Variants in B3GALT1 observed in about 807,000 individuals in gnomAD.
B3GALT1 encodes beta-1,3-galactosyltransferase 1.
B3GALT1 carries 10 observed loss-of-function variants against 23.2 expected under a neutral mutation model. The ratio of observed to expected loss-of-function variants is 0.43; its 90% confidence interval spans 0.27 to 0.73. The LOEUF is 0.73. B3GALT1 is among the 30% of genes least tolerant of loss of function. The pLI, the probability that B3GALT1 is intolerant of heterozygous loss-of-function variation, is 0.21. For missense variants in B3GALT1, 299 were observed against 405.4 expected (o/e 0.74, Z 2.25); for synonymous variants, 156 against 141.5 (o/e 1.10, Z -0.73).
chr2:167,810,658 T>A (rs1168101416), intron 3 of B3GALT1, among the ~76,000 whole-genome samples: 1 of 150,948 alleles, frequency 6.6e-6, no homozygotes, highest in Non-Finnish European at 1.5e-5. Flanking sequence ...TACCTAAGTT[T>A]AACATCCAAC....
chr2:167,799,767 T>C (rs1688605570), intron 3 of B3GALT1, among the ~76,000 whole-genome samples: 2 of 152,298 alleles, frequency 1.3e-5, no homozygotes, highest in East Asian at 1.9e-4. Flanking sequence ...TTTCTTCTGT[T>C]CCTGTCAAGC....
chr2:167,331,502 A>G (rs1000502387), intron 1 of B3GALT1, among the ~76,000 whole-genome samples: 13 of 152,188 alleles, frequency 8.5e-5, no homozygotes, highest in Non-Finnish European at 1.2e-4. Context: ...GGGTTGTACA[A>G]GCTGGTCCCT....
chr2:167,416,342 C>G (rs2105298706), intron 1 of B3GALT1, among the ~76,000 whole-genome samples: 1 of 152,320 alleles, frequency 6.6e-6, no homozygotes, highest in South Asian at 2.1e-4. Flanking sequence ...GAGCAGCTCA[C>G]TGCTTAAGAA....
intron 1 of B3GALT1, among the ~76,000 whole-genome samples, chr2:167,359,061 A>G (rs1402850499): frequency 6.6e-6 from 1 of 152,172 alleles, no homozygotes; most frequent in Non-Finnish European, 1.5e-5. Context: ...TGGCCTCCCA[A>G]AGTGCTGGGA....
intron 3 of B3GALT1, among the ~76,000 whole-genome samples, chr2:167,674,903 A>G (rs1686395715): frequency 6.6e-6 from 1 of 152,236 alleles, no homozygotes; most frequent in Non-Finnish European, 1.5e-5. Flanking sequence ...TTTCTTCAAT[A>G]CAAAAAGGCA....
intron 1 of B3GALT1, among the ~76,000 whole-genome samples, chr2:167,405,430 A>G (rs1367004613): frequency 6.6e-6 from 1 of 152,124 alleles, no homozygotes; most frequent in South Asian, 2.1e-4. Flanking sequence ...TATTTTCCAA[A>G]TGCTATTCTT....
intron 3 of B3GALT1, among the ~76,000 whole-genome samples, chr2:167,742,949 C>A (rs1291838352): frequency 1.3e-5 from 2 of 152,070 alleles, no homozygotes; most frequent in Admixed American, 6.6e-5. Flanking sequence ...AAATGTGTCA[C>A]ATGTATATCA....
chr2:167,709,566 G>C (rs955522672), intron 3 of B3GALT1, among the ~76,000 whole-genome samples: 2 of 152,150 alleles, frequency 1.3e-5, no homozygotes, highest in Non-Finnish European at 2.9e-5. Context: ...GAGTGGAGCA[G>C]AGTTATGAAT....
intron 3 of B3GALT1, among the ~76,000 whole-genome samples, chr2:167,741,559 T>C (rs1249774418): frequency 6.6e-6 from 1 of 152,176 alleles, no homozygotes; most frequent in Non-Finnish European, 1.5e-5. Flanking sequence ...GAAATTTGCA[T>C]ACTTTTTATT....
chr2:167,811,443 G>T (rs1005148122), intron 3 of B3GALT1, among the ~76,000 whole-genome samples: 5 of 152,184 alleles, frequency 3.3e-5, no homozygotes, highest in Admixed American at 3.3e-4. Flanking sequence ...GAAGTAACAG[G>T]TGTGCATTTT....
chr2:167,627,874 A>G (rs932047847), intron 2 of B3GALT1, among the ~76,000 whole-genome samples: 1 of 151,654 alleles, frequency 6.6e-6, no homozygotes, highest in African/African-American at 2.4e-5. Flanking sequence ...ATGAGTATTC[A>G]TATGAATATA....
intron 4 of B3GALT1, among the ~76,000 whole-genome samples, chr2:167,865,608 C>G (rs911870832): frequency 3.9e-5 from 6 of 151,990 alleles, no homozygotes; most frequent in East Asian, 2.0e-4. Flanking sequence ...TGGCTAACAC[C>G]GTGAAACCCC....
chr2:167,533,053 G>A (rs1015717107), intron 2 of B3GALT1, among the ~76,000 whole-genome samples: 1 of 150,784 alleles, frequency 6.6e-6, no homozygotes, highest in African/African-American at 2.4e-5. Flanking sequence ...TAGAGACGGG[G>A]TTTCTCTATG....
chr2:167,355,901 T>G (rs1697392956), intron 1 of B3GALT1, among the ~76,000 whole-genome samples: 1 of 152,182 alleles, frequency 6.6e-6, no homozygotes, highest in Non-Finnish European at 1.5e-5. Flanking sequence ...GTATACTGAG[T>G]CATTACAAGG....
At chr2:167,347,317 G>A (rs747147731) in intron 1 of B3GALT1, among the ~76,000 whole-genome samples, 1 of 152,166 alleles carries the variant, frequency 6.6e-6, no homozygotes, top group South Asian at 2.1e-4. Flanking sequence ...CTAGCTTAGA[G>A]CAAGTTGATG....
At chr2:167,695,202 C>G (rs1260381854) in intron 3 of B3GALT1, among the ~76,000 whole-genome samples, 2 of 152,100 alleles carry the variant, frequency 1.3e-5, no homozygotes, top group Non-Finnish European at 2.9e-5. Flanking sequence ...TTCTCAAATT[C>G]AGTTCACTCT....
intron 3 of B3GALT1, among the ~76,000 whole-genome samples, chr2:167,708,929 G>C (rs1234578797): frequency 6.6e-6 from 1 of 152,148 alleles, no homozygotes; most frequent in Non-Finnish European, 1.5e-5. Context: ...TGTCTATTTT[G>C]CTTTAAAATA....
chr2:167,342,067 G>A (rs1380783584), intron 1 of B3GALT1, among the ~76,000 whole-genome samples: 1 of 152,064 alleles, frequency 6.6e-6, no homozygotes, highest in African/African-American at 2.4e-5. Flanking sequence ...ACTCAGCAGA[G>A]AAATAACTAA....
rs571483521 is a variant in B3GALT1 at position 167,795,346 on chromosome 2, C to A, written c.-351-23326C>A. On this transcript the variant is annotated intron_variant, in intron 3 of 4. Transcript: ENST00000392690. Reference sequence around the variant, plus strand: ...TCTGTGACCACATAACACCAATGGTCCCTTTTGAAAATTTTAATTGGGAAA... The same window carrying A: ...TCTGTGACCACATAACACCAATGGTACCTTTTGAAAATTTTAATTGGGAAA... 2.2e-4 allele frequency among the ~76,000 whole-genome samples: 33 copies of A among 152,206 alleles called. 1 individual carries two copies. In the South Asian group the frequency reaches 6.9e-3, roughly 32 times the overall value.
Sources: gnomAD v4.1 joint callset for allele counts (sites outside exome capture counted in the v4.1 genomes callset) on GRCh38, gnomAD v4.1.1 for gene constraint, MANE v1.5 for transcripts, NCBI Gene and HGNC (gene_info 2026-07-23, HGNC 2026-07-21) for gene names.